LRP1B: variants seen among roughly 807,000 people sequenced by gnomAD.
LRP1B encodes the protein LDL receptor related protein 1B, also known as low-density lipoprotein receptor-related protein 1B.
Under a neutral mutation model 556.6 loss-of-function variants are expected in LRP1B, and 217 were observed. That is an observed-to-expected ratio of 0.39 (90% CI 0.35 to 0.44). LRP1B has a LOEUF of 0.44. Among genes scored for constraint, LRP1B ranks in the 20% least tolerant of loss-of-function variants. The pLI is 1.00. For missense variants in LRP1B, 5,053 were observed against 5,620.8 expected (o/e 0.90, Z 3.23); for synonymous variants, 2,047 against 1,865.8 (o/e 1.10, Z -2.50).
intron 1 of LRP1B, among the ~76,000 whole-genome samples, chr2:141,847,471 G>T (rs1266252533): frequency 6.6e-6 from 1 of 151,240 alleles, no homozygotes; most frequent in Non-Finnish European, 1.5e-5. Flanking sequence ...AAAGCAGCTA[G>T]GTCTATAATT....
intron 18 of LRP1B, among the ~76,000 whole-genome samples, chr2:140,955,732 C>G (rs938731075): frequency 1.3e-5 from 2 of 151,510 alleles, no homozygotes; most frequent in Admixed American, 6.6e-5. Context: ...AATTGTCTTT[C>G]TCTCAAGGGT....
intron 3 of LRP1B, among the ~76,000 whole-genome samples, chr2:141,407,731 A>G (rs556402886): frequency 4.7e-4 from 71 of 152,238 alleles, no homozygotes; most frequent in Non-Finnish European, 8.8e-5. Context: ...TGCCAGCACC[A>G]TGTTTCCTAT....
intron 1 of LRP1B, among the ~76,000 whole-genome samples, chr2:142,009,763 A>C (rs577292843): frequency 1.3e-5 from 2 of 152,266 alleles, no homozygotes; most frequent in South Asian, 4.1e-4. Context: ...AATTGTACAC[A>C]TATATTGTTT....
chr2:141,552,939 A>G (rs189957338), intron 2 of LRP1B, among the ~76,000 whole-genome samples: 1 of 151,988 alleles, frequency 6.6e-6, no homozygotes, highest in Non-Finnish European at 1.5e-5. Context: ...TTATATGAGA[A>G]ACATTGAAAG....
intron 24 of LRP1B, among the ~76,000 whole-genome samples, chr2:140,884,368 A>T (rs947121916): frequency 3.3e-5 from 5 of 152,190 alleles, no homozygotes; most frequent in African/African-American, 1.2e-4. Context: ...AACAATAATG[A>T]TATTCTGGTT....
intron 14 of LRP1B, among the ~76,000 whole-genome samples, chr2:141,011,441 G>C (rs1697745842): frequency 6.6e-6 from 1 of 152,022 alleles, no homozygotes; most frequent in Non-Finnish European, 1.5e-5. Context: ...AACTCAATTA[G>C]ATTATCTAAT....
chr2:140,521,488 T>C (rs916124936), intron 49 of LRP1B, among the ~76,000 whole-genome samples: 5 of 151,906 alleles, frequency 3.3e-5, no homozygotes, highest in Admixed American at 1.3e-4. Context: ...GACAAGCAAT[T>C]GTTAAAGGAC....
At chr2:140,950,756 T>C (rs2105301024) in intron 19 of LRP1B, among the ~76,000 whole-genome samples, 1 of 152,158 alleles carries the variant, frequency 6.6e-6, no homozygotes, top group Admixed American at 6.6e-5. Context: ...CCTCCCAAAA[T>C]ACTGGGGTTA....
intron 2 of LRP1B, among the ~76,000 whole-genome samples, chr2:141,537,327 G>A (rs1195908515): frequency 2.6e-5 from 4 of 151,964 alleles, no homozygotes; most frequent in Admixed American, 1.3e-4. Flanking sequence ...CAAAACAGCA[G>A]GGTGTGGAAT....
intron 6 of LRP1B, among the ~76,000 whole-genome samples, chr2:141,199,381 A>T (rs1433860979): frequency 6.6e-6 from 1 of 152,134 alleles, no homozygotes; most frequent in Admixed American, 6.6e-5. Context: ...GTTTTAATCA[A>T]CGGCAGGTTT....
At chr2:141,137,650 G>A (rs1195843268) in intron 7 of LRP1B, among the ~76,000 whole-genome samples, 8 of 151,790 alleles carry the variant, frequency 5.3e-5, no homozygotes, top group Admixed American at 4.0e-4. Flanking sequence ...TGAGGGAAAA[G>A]GCTAAATGTC....
intron 37 of LRP1B, among the ~76,000 whole-genome samples, chr2:140,709,951 A>G (rs1317498210): frequency 6.6e-6 from 1 of 152,034 alleles, no homozygotes; most frequent in Non-Finnish European, 1.5e-5. Flanking sequence ...GCCGTAATAA[A>G]TATTTCCTAG....
chr2:140,962,201 C>T (rs898986969), intron 18 of LRP1B, among the ~76,000 whole-genome samples: 3 of 152,100 alleles, frequency 2.0e-5, no homozygotes, highest in Non-Finnish European at 4.4e-5. Flanking sequence ...AAATTATTCA[C>T]TTAAAAGAAT....
At chr2:140,481,962 A>G (rs890604612) in intron 59 of LRP1B, among the ~76,000 whole-genome samples, 1 of 152,166 alleles carries the variant, frequency 6.6e-6, no homozygotes, top group African/African-American at 2.4e-5. Flanking sequence ...CTTGCCCTGT[A>G]GAGCACCACG....
At chr2:140,736,142 T>C (rs1320028599) in intron 35 of LRP1B, among the ~76,000 whole-genome samples, 1 of 151,904 alleles carries the variant, frequency 6.6e-6, no homozygotes, top group Admixed American at 6.6e-5. Context: ...ATAAAGAGGA[T>C]GAGGGAAGGA....
At chr2:141,561,598 T>A (rs771954490) in intron 2 of LRP1B, among the ~76,000 whole-genome samples, 1 of 151,854 alleles carries the variant, frequency 6.6e-6, no homozygotes, top group Non-Finnish European at 1.5e-5. Context: ...TGCACTAAAT[T>A]CTTTCAGAAA....
chr2:140,511,941 T>C (rs889835129), intron 51 of LRP1B, among the ~76,000 whole-genome samples: 6 of 152,190 alleles, frequency 3.9e-5, no homozygotes, highest in African/African-American at 1.4e-4. Flanking sequence ...AACCATAAAG[T>C]GTCCTTTTTA....
intron 87 of LRP1B, among the ~76,000 whole-genome samples, chr2:140,245,726 T>A (rs553431414): frequency 2.0e-5 from 3 of 151,460 alleles, no homozygotes; most frequent in Admixed American, 6.6e-5. Flanking sequence ...AGAGATAAAG[T>A]ATTTTTTCTT....
intron 1 of LRP1B, 148 bp downstream of exon 1, chr2:142,130,500 C>T (rs1707811626): frequency 1.5e-6 from 1 of 650,200 alleles, no homozygotes; most frequent in East Asian, 2.8e-5. Flanking sequence ...CACCTCTCAC[C>T]CCCGCACAGG....
Sources: gnomAD v4.1 joint callset for allele counts (sites outside exome capture counted in the v4.1 genomes callset) on GRCh38, gnomAD v4.1.1 for gene constraint, MANE v1.5 for transcripts, NCBI Gene and HGNC (gene_info 2026-07-23, HGNC 2026-07-21) for gene names.